The following TLK1 variants were observed in gnomAD, a reference collection of about 807,000 sequenced individuals.
TLK1 encodes the protein tousled like kinase 1, also known as serine/threonine-protein kinase tousled-like 1.
In TLK1, 24 loss-of-function variants were observed where a neutral mutation model predicts 105.3. The ratio of observed to expected loss-of-function variants is 0.23; its 90% CI spans 0.17 to 0.32. The LOEUF is 0.32. Among genes scored for constraint, TLK1 ranks in the 10% least tolerant of loss-of-function variants. The pLI is 1.00. For synonymous variants in TLK1, 321 were observed against 310.4 expected (o/e 1.03, Z -0.36); for missense variants, 558 against 910.5 (o/e 0.61, Z 4.98).
chr2:171,011,203 G>A (rs1039372183), intron 14 of TLK1, among the ~76,000 whole-genome samples, 170 bp downstream of exon 14: 4 of 151,862 alleles, frequency 2.6e-5, no homozygotes, highest in Non-Finnish European at 4.4e-5. Context: ...GTCTCACTAT[G>A]TTGCCCAGGT....
chr2:171,204,556 C>CAAAAAAAA (rs77025747), intron 1 of TLK1, among the ~76,000 whole-genome samples: 1 of 106,424 alleles, frequency 9.4e-6, no homozygotes, highest in Non-Finnish European at 2.0e-5. Context: ...TTTGAGCATC[C>CAAAAAAAA]AAAAAAAAAA....
At chr2:171,215,324 A>AC (rs5836324) in intron 1 of TLK1, among the ~76,000 whole-genome samples, 105,936 of 152,030 alleles carry the variant, frequency 0.7, 37,525 homozygotes, top group East Asian at 0.97. Flanking sequence ...TTCATAGGAA[A>AC]GAGGATGGCT....
chr2:171,093,789 T>C (rs894969836), intron 2 of TLK1, among the ~76,000 whole-genome samples: 35 of 152,146 alleles, frequency 2.3e-4, no homozygotes, highest in Non-Finnish European at 1.5e-5. Context: ...AGAATGTCTG[T>C]AGGGCTACAT....
chr2:171,084,280 G>C (rs183800736), intron 2 of TLK1, among the ~76,000 whole-genome samples: 1 of 152,140 alleles, frequency 6.6e-6, no homozygotes, highest in African/African-American at 2.4e-5. Flanking sequence ...GACTAAGTGG[G>C]AGGAGTCCAC....
rs1177525751 is a variant in TLK1, at chr2:170,993,906, C to T, written c.2175G>A (p.Val725=). 1 of 1,611,638 alleles carries T rather than the reference C, an allele frequency of 6.2e-7. No homozygotes were observed. Among genetic ancestry groups the T allele is most frequent in the Non-Finnish European group, 8.5e-7 (1 of 1,179,112 alleles). The change falls in exon 21 of 21, where the codon GTG becomes GTA. Residue 725 remains valine (V), a synonymous_variant. Transcript: ENST00000431350. ...LAYRKEDRFD[V]HQLANDPYLL... is the part of the protein sequence containing the mutation. ...GGTATGGGTCATTTGCCAGCTGGTG[C>T]ACATCAAATCGATCTTCTTTTCGAT...
At chr2:171,034,280 C>T (rs968562873) in intron 11 of TLK1, among the ~76,000 whole-genome samples, 2 of 152,130 alleles carry the variant, frequency 1.3e-5, no homozygotes, top group Admixed American at 1.3e-4. Context: ...CAAGCTCACA[C>T]AGAATTGTAG....
chr2:171,072,960 A>G (rs1320757757), intron 3 of TLK1, among the ~76,000 whole-genome samples: 3 of 151,690 alleles, frequency 2.0e-5, no homozygotes, highest in Non-Finnish European at 2.9e-5. Context: ...TAATGTCTAC[A>G]TATTTCATAG....
At chr2:171,219,594 C>A (rs1693771523) in intron 1 of TLK1, among the ~76,000 whole-genome samples, 1 of 151,370 alleles carries the variant, frequency 6.6e-6, no homozygotes, top group South Asian at 2.1e-4. Context: ...TCTGGGGTCC[C>A]TCCCCCCACC....
chr2:171,082,654 A>C, intron 3 of TLK1, 127 bp downstream of exon 3: 1 of 762,038 alleles, frequency 1.3e-6, no homozygotes, highest in South Asian at 1.6e-5. Context: ...AGAACAAAAC[A>C]TTCCTATAAG....
chr2:171,088,488 A>T (rs981587702), intron 2 of TLK1, among the ~76,000 whole-genome samples: 3 of 152,238 alleles, frequency 2.0e-5, no homozygotes, highest in African/African-American at 7.2e-5. Context: ...CTGGATTGGA[A>T]AGACACATTT....
intron 1 of TLK1, among the ~76,000 whole-genome samples, chr2:171,122,335 T>C (rs764796212): frequency 6.6e-6 from 1 of 152,208 alleles, no homozygotes; most frequent in African/African-American, 2.4e-5. Context: ...AATAGGTGCT[T>C]AGCAAATGTT....
chr2:171,183,422 C>T (rs1447213969), intron 1 of TLK1, among the ~76,000 whole-genome samples: 1 of 152,052 alleles, frequency 6.6e-6, no homozygotes, highest in Non-Finnish European at 1.5e-5. Context: ...AGAGGTTTAG[C>T]TTTCTTACTC....
intron 14 of TLK1, among the ~76,000 whole-genome samples, chr2:171,010,136 C>A (rs1684838575): frequency 6.6e-6 from 1 of 152,054 alleles, no homozygotes. Context: ...AAGCCTTGAG[C>A]TAAGAGACAG....
chr2:171,061,498 T>C (rs966207851), intron 3 of TLK1, among the ~76,000 whole-genome samples: 1 of 152,350 alleles, frequency 6.6e-6, no homozygotes, highest in Non-Finnish European at 1.5e-5. Flanking sequence ...GTGTTTCCTA[T>C]GAGTTTTTTC....
chr2:171,006,436 C>T, intron 17 of TLK1, 38 bp downstream of exon 17: 2 of 1,536,048 alleles, frequency 1.3e-6, no homozygotes, highest in Non-Finnish European at 1.7e-6. Flanking sequence ...AAAAACTATA[C>T]TCAAGTTTAA....
At chr2:171,088,902 T>A (rs970032465) in intron 2 of TLK1, among the ~76,000 whole-genome samples, 7 of 152,190 alleles carry the variant, frequency 4.6e-5, no homozygotes, top group Admixed American at 2.6e-4. Flanking sequence ...ATACATGAAA[T>A]AGCTCAAACA....
chr2:171,178,829 G>C (rs1025733294), intron 1 of TLK1, among the ~76,000 whole-genome samples: 1 of 152,226 alleles, frequency 6.6e-6, no homozygotes, highest in South Asian at 2.1e-4. Context: ...CCTGGTTTGG[G>C]ATATCAATTT....
At chr2:171,051,984 G>A (rs1298016375) in intron 8 of TLK1, among the ~76,000 whole-genome samples, 8 of 152,122 alleles carry the variant, frequency 5.3e-5, no homozygotes, top group African/African-American at 1.9e-4. Context: ...TATATTGAAA[G>A]ATCAGCTGGG....
chr2:171,057,844 C>T (rs769633024), intron 5 of TLK1, among the ~76,000 whole-genome samples: 9 of 151,986 alleles, frequency 5.9e-5, no homozygotes, highest in East Asian at 1.9e-4. Flanking sequence ...CAAAAAATTA[C>T]GGTGTAGGCT....
Sources: allele counts gnomAD v4.1 joint callset (sites outside exome capture counted in the v4.1 genomes callset), GRCh38; gene constraint gnomAD v4.1.1; transcripts MANE v1.5; gene names NCBI Gene and HGNC (gene_info 2026-07-23, HGNC 2026-07-21).